The following YWHAQ variants were observed in gnomAD, a reference collection of about 807,000 sequenced individuals.
The protein encoded by YWHAQ is tyrosine 3-monooxygenase/tryptophan 5-monooxygenase activation protein theta.
YWHAQ carries 6 observed loss-of-function variants against 28.3 expected under a neutral mutation model. The ratio of observed to expected loss-of-function variants is 0.21; its 90% confidence interval spans 0.12 to 0.42. The LOEUF is 0.42. Among genes scored for constraint, YWHAQ ranks in the 10% least tolerant of loss-of-function variants. The pLI is 1.00. For missense variants in YWHAQ, 201 were observed against 305.6 expected, an observed-to-expected ratio of 0.66 and a Z score of 2.55; for synonymous variants, 143 against 119.1, an observed-to-expected ratio of 1.20 and a Z score of -1.31.
At chr2:9,601,692 T>C (rs989373935) in intron 2 of YWHAQ, among the ~76,000 whole-genome samples, 7 of 152,234 alleles carry the variant, frequency 4.6e-5, no homozygotes, top group Middle Eastern at 3.4e-3. Flanking sequence ...GTCACCCAGG[T>C]TGGAGTGCAG....
chr2:9,595,770 CG>C (rs1021559359), intron 2 of YWHAQ, among the ~76,000 whole-genome samples: 2 of 150,232 alleles, frequency 1.3e-5, no homozygotes, highest in African/African-American at 2.5e-5. Context: ...TTCTTCTGTA[CG>C]TTATTCTTAT....
chr2:9,592,193 G>T (rs760518986), intron 2 of YWHAQ, among the ~76,000 whole-genome samples: 4 of 152,174 alleles, frequency 2.6e-5, no homozygotes, highest in African/African-American at 9.7e-5. Flanking sequence ...TACAGGAATC[G>T]AGAGTAAGAG....
At chr2:9,589,377 G>C (rs1402031842) in intron 3 of YWHAQ, among the ~76,000 whole-genome samples, 2 of 152,042 alleles carry the variant, frequency 1.3e-5, no homozygotes, top group African/African-American at 4.8e-5. Context: ...TGAGGTTGGA[G>C]GTACAAGACC....
Position 9,630,180 on chromosome 2 carries a change from T to C in YWHAQ, c.273A>G (p.Arg91=), listed in dbSNP as rs1344561399. ...DYREKVESEL[R]SICTTVLELL... ...TCACCAGCACCGTGGTGCAGATGGA[T>C]CTCAGCTCGGACTCCACTTTCTCCC... The change falls in exon 2 of 6, where the codon AGA becomes AGG. Residue 91 remains arginine (R), a synonymous_variant. Transcript: ENST00000238081. This position sits in a 1 kb window ranked among gnomAD's most constrained non-coding sequence, Gnocchi z 5.6. 1.9e-6 allele frequency: 3 copies of C among 1,613,722 alleles called. No individual in the cohort carries two copies. Among genetic ancestry groups the C allele is most frequent in the East Asian group, 2.2e-5 (1 of 44,872 alleles).
Position 9,584,726 on chromosome 2 carries a change from G to A in YWHAQ, c.*560C>T, listed in dbSNP as rs1666309257. 1 of 152,832 alleles carries A rather than the reference G, an allele frequency of 6.5e-6. No individual in the cohort carries two copies. Among genetic ancestry groups the A allele is most frequent in the South Asian group, 2.1e-4 (1 of 4,836 alleles). 9.5% of individuals were successfully genotyped at this position (152,832 alleles called of 1,614,324 possible). ...CCACAGATACACAAGACCTCCGTAT[G>A]TGATACAGGAGCCATTTCAATTTGT... On this transcript the variant is annotated 3_prime_UTR_variant, in exon 6 of 6. Transcript: ENST00000238081.
intron 2 of YWHAQ, among the ~76,000 whole-genome samples, chr2:9,614,719 T>C (rs1667012227): frequency 1.3e-5 from 2 of 152,224 alleles, no homozygotes; most frequent in South Asian, 2.1e-4. Context: ...CCTAAGTCTA[T>C]GGCAAACTGA....
At chr2:9,625,795 C>T (rs765734736) in intron 2 of YWHAQ, among the ~76,000 whole-genome samples, 10 of 152,076 alleles carry the variant, frequency 6.6e-5, no homozygotes, top group African/African-American at 2.2e-4. Flanking sequence ...AAGGCAGGCA[C>T]CATCATCAAT....
At chr2:9,597,964 C>T (rs1185505822) in intron 2 of YWHAQ, among the ~76,000 whole-genome samples, 1 of 145,288 alleles carries the variant, frequency 6.9e-6, no homozygotes, top group African/African-American at 2.6e-5. Flanking sequence ...GGACTACAGG[C>T]ATGCACCACC....
At chr2:9,610,259 A>G (rs1356733750) in intron 2 of YWHAQ, among the ~76,000 whole-genome samples, 1 of 152,248 alleles carries the variant, frequency 6.6e-6, no homozygotes, top group Non-Finnish European at 1.5e-5. Context: ...TGATTTAACC[A>G]ATATCTACAT....
rs992198765 is a variant in YWHAQ, at chr2:9,613,150, A to AT, written c.294+17008dup. ...AGAAGAGGGAAAATCCTTCAAAAATATTTTTTTTAAAAAGTGTTATTGGGC... is the reference window on the plus strand; with the variant it reads ...AGAAGAGGGAAAATCCTTCAAAAATATTTTTTTTTAAAAAGTGTTATTGGGC... On this transcript the variant is annotated intron_variant, in intron 2 of 5. Coordinates refer to ENST00000238081, the MANE Select transcript of YWHAQ (RefSeq NM_006826.4). Among the ~76,000 whole-genome samples, 24 of 152,110 alleles carry AT rather than the reference A, an allele frequency of 1.6e-4. No homozygotes were observed. In the South Asian group the frequency reaches 2.3e-3, roughly 14 times the overall value.
intron 2 of YWHAQ, among the ~76,000 whole-genome samples, chr2:9,619,176 C>A (rs1667092488): frequency 6.6e-6 from 1 of 152,036 alleles, no homozygotes; most frequent in South Asian, 2.1e-4. Context: ...ATTTACCAGG[C>A]CATTTTGATT....
At chr2:9,610,517 CT>C (rs367711814) in intron 2 of YWHAQ, among the ~76,000 whole-genome samples, 2 of 151,988 alleles carry the variant, frequency 1.3e-5, no homozygotes, top group South Asian at 2.1e-4. Context: ...AAACTTTACT[CT>C]TTTTTTTGAG....
At chr2:9,586,697 T>C (rs1358360435) in intron 5 of YWHAQ, among the ~76,000 whole-genome samples, 1 of 152,176 alleles carries the variant, frequency 6.6e-6, no homozygotes. Flanking sequence ...GGTGCTAATA[T>C]TTAAAAAATC....
intron 2 of YWHAQ, among the ~76,000 whole-genome samples, chr2:9,598,331 C>T (rs1471749711): frequency 1.3e-5 from 2 of 152,178 alleles, no homozygotes; most frequent in East Asian, 3.8e-4. Context: ...ATGAGGTATA[C>T]TGGAGTAGTA....
intron 2 of YWHAQ, among the ~76,000 whole-genome samples, chr2:9,597,444 G>A (rs1666595125): frequency 6.6e-6 from 1 of 151,962 alleles, no homozygotes; most frequent in Non-Finnish European, 1.5e-5. Context: ...TCAGGAGTTC[G>A]AGACCACCCT....
intron 2 of YWHAQ, among the ~76,000 whole-genome samples, chr2:9,600,507 A>G (rs1456222430): frequency 1.3e-5 from 2 of 152,108 alleles, no homozygotes; most frequent in African/African-American, 4.8e-5. Flanking sequence ...GGAGTTCAAG[A>G]CCAGCCTGAC....
intron 2 of YWHAQ, among the ~76,000 whole-genome samples, chr2:9,616,226 T>C (rs972718099): frequency 6.6e-6 from 1 of 152,170 alleles, no homozygotes; most frequent in Non-Finnish European, 1.5e-5. Flanking sequence ...TGAATTGTTA[T>C]TTCAACAAAT....
At chr2:9,622,026 G>C (rs1254727756) in intron 2 of YWHAQ, among the ~76,000 whole-genome samples, 1 of 152,100 alleles carries the variant, frequency 6.6e-6, no homozygotes, top group African/African-American at 2.4e-5. Context: ...TCACACAGCG[G>C]GGACTGTCAG....
chr2:9,615,764 C>T (rs951073856), intron 2 of YWHAQ, among the ~76,000 whole-genome samples: 1 of 152,118 alleles, frequency 6.6e-6, no homozygotes, highest in African/African-American at 2.4e-5. Context: ...CTCAGAAGAA[C>T]AGGGTCCTGT....
Sources: gnomAD v4.1 joint callset for allele counts (sites outside exome capture counted in the v4.1 genomes callset) on GRCh38, gnomAD v4.1.1 for gene constraint, Gnocchi (gnomAD v3.1) non-coding constraint, MANE v1.5 for transcripts, NCBI Gene and HGNC (gene_info 2026-07-23, HGNC 2026-07-21) for gene names.